Variants in PRDM1 observed in about 807,000 individuals in gnomAD.
The protein encoded by PRDM1 is PR/SET domain 1.
Under a neutral mutation model 62.8 loss-of-function variants are expected in PRDM1, and 13 were observed. That is an observed-to-expected ratio of 0.21 (90% CI 0.13 to 0.33). The LOEUF is 0.33. Ranked by LOEUF, PRDM1 falls within the 10% of genes least tolerant of loss-of-function variation. The pLI is 1.00. For missense variants in PRDM1, 895 were observed against 1,058.8 expected (o/e 0.85, Z 2.15); for synonymous variants, 396 against 417.6 (o/e 0.95, Z 0.63).
chr6:106,080,454 T>C (rs966977733), intron 1 of PRDM1, among the ~76,000 whole-genome samples: 2 of 151,682 alleles, frequency 1.3e-5, no homozygotes, highest in African/African-American at 2.4e-5. Context: ...CCTCAATCTA[T>C]GAGGAAGAAA....
chr6:106,083,747 G>A (rs569467523), upstream of PRDM1, among the ~76,000 whole-genome samples: 8 of 152,272 alleles, frequency 5.3e-5, 1 homozygote, highest in East Asian at 1.2e-3. Flanking sequence ...GGTTCTTTTC[G>A]GTGTTCTAAC....
chr6:106,073,259 C>T (rs998983134), intron 1 of PRDM1, among the ~76,000 whole-genome samples: 2 of 151,940 alleles, frequency 1.3e-5, no homozygotes, highest in African/African-American at 4.8e-5. Context: ...GGATTACAGG[C>T]GCCCACTCTC....
At chr6:106,059,931 T>C (rs560941727) in intron 1 of PRDM1, among the ~76,000 whole-genome samples, 5 of 152,272 alleles carry the variant, frequency 3.3e-5, no homozygotes, top group African/African-American at 1.2e-4. Context: ...TTGGAAGATA[T>C]GGAGAAGAGT....
At chr6:106,067,708 G>C (rs1562158192) in intron 1 of PRDM1, among the ~76,000 whole-genome samples, 1 of 152,150 alleles carries the variant, frequency 6.6e-6, no homozygotes, top group Non-Finnish European at 1.5e-5. Context: ...GGTTACCAGG[G>C]GCCGGGGAAA....
At chr6:106,060,103 A>G (rs1177421117) in intron 1 of PRDM1, among the ~76,000 whole-genome samples, 2 of 152,212 alleles carry the variant, frequency 1.3e-5, no homozygotes, top group Non-Finnish European at 2.9e-5. Context: ...CATGTAGTTA[A>G]TGTATTCAAT....
intron 4 of PRDM1, among the ~76,000 whole-genome samples, chr6:106,102,288 T>G (rs1219668708): frequency 1.3e-5 from 2 of 152,234 alleles, no homozygotes; most frequent in Non-Finnish European, 2.9e-5. Context: ...AAGCTGTTGC[T>G]GAGTGGGAGA....
At chr6:105,998,912 TATATATATATATATATA>T (rs1772387965) in intron 1 of PRDM1, among the ~76,000 whole-genome samples, 1 of 6,202 alleles carries the variant, frequency 1.6e-4, no homozygotes, top group Non-Finnish European at 3.1e-4. Context: ...TATATATATA[TATATATATATATATATA>T]TATATTTTTT....
intron 2 of PRDM1, among the ~76,000 whole-genome samples, chr6:106,089,627 T>C (rs1773907486): frequency 6.6e-6 from 1 of 152,176 alleles, no homozygotes; most frequent in African/African-American, 2.4e-5. Context: ...AGGCAGATTT[T>C]ATAAAAAATA....
At chr6:106,054,486 A>G (rs1226603043) in intron 1 of PRDM1, among the ~76,000 whole-genome samples, 1 of 152,134 alleles carries the variant, frequency 6.6e-6, no homozygotes, top group East Asian at 1.9e-4. Context: ...ATTTTCTTTT[A>G]AGAATATGTC....
intron 2 of PRDM1, 107 bp from the exon 3 acceptor site, chr6:106,095,508 A>C: frequency 7.8e-7 from 1 of 1,285,982 alleles, no homozygotes; most frequent in East Asian, 2.5e-5. Flanking sequence ...TCAAAATTTT[A>C]TCATTGTTAG....
chr6:106,023,390 C>T (rs1236577528), intron 1 of PRDM1, among the ~76,000 whole-genome samples: 4 of 151,946 alleles, frequency 2.6e-5, no homozygotes, highest in South Asian at 2.1e-4. Context: ...AGGAGAATGG[C>T]GTGAACCCAG....
chr6:106,038,895 G>C (rs1772956089), intron 1 of PRDM1, among the ~76,000 whole-genome samples: 2 of 152,148 alleles, frequency 1.3e-5, no homozygotes, highest in Non-Finnish European at 2.9e-5. Flanking sequence ...TGTGTTTGTT[G>C]TCTAGCTGAG....
At chr6:105,995,435 G>A (rs80331398) in intron 1 of PRDM1, among the ~76,000 whole-genome samples, 2,045 of 152,270 alleles carry the variant, frequency 0.013, 47 homozygotes, top group African/African-American at 0.046. Flanking sequence ...GCGGAAGGGA[G>A]GAAACAAAAG....
At chr6:106,069,213 G>A (rs910054590) in intron 1 of PRDM1, among the ~76,000 whole-genome samples, 1 of 152,068 alleles carries the variant, frequency 6.6e-6, no homozygotes, top group African/African-American at 2.4e-5. Flanking sequence ...ATACAGTTGA[G>A]AACAAATTTT....
intron 1 of PRDM1, among the ~76,000 whole-genome samples, chr6:106,037,996 A>G (rs1374656385): frequency 1.8e-5 from 1 of 56,580 alleles, no homozygotes; most frequent in African/African-American, 6.3e-5. Context: ...TCCCTTTCCT[A>G]TGGTTTGCTA....
chr6:106,106,376 C>T lies in PRDM1; in HGVS notation c.1779C>T (p.His593=). 6.2e-7 allele frequency: 1 copy of T among 1,614,154 alleles called. No individual in the cohort carries two copies. The highest frequency in any genetic ancestry group is 8.5e-7 in the Non-Finnish European group (1 of 1,180,030). ...TFGQLSNLKV[H]LRVHSGERPF... ...CACATGTGGCTTCTTCCCAGGTCCA[C>T]CTGAGAGTGCACAGTGGAGAACGGC... Residue 593 remains histidine (H), a synonymous_variant, in exon 6 of 7, where the codon CAC becomes CAT. Transcript: ENST00000369096. The surrounding 1 kb of genome is among the most constrained non-coding windows in gnomAD (Gnocchi z 4.4).
chr6:106,009,792 A>T (rs1378941493), intron 1 of PRDM1, among the ~76,000 whole-genome samples: 1 of 152,090 alleles, frequency 6.6e-6, no homozygotes, highest in Non-Finnish European at 1.5e-5. Flanking sequence ...ATCTCAGCTC[A>T]CTGCAACCTC....
At chr6:106,104,105 A>G (rs1306522104) in intron 4 of PRDM1, among the ~76,000 whole-genome samples, 1 of 152,148 alleles carries the variant, frequency 6.6e-6, no homozygotes, top group African/African-American at 2.4e-5. Flanking sequence ...TTCTCAGGGT[A>G]TGCTGATTTC....
At chr6:106,101,987 A>C (rs561363920) in intron 4 of PRDM1, among the ~76,000 whole-genome samples, 4 of 152,186 alleles carry the variant, frequency 2.6e-5, no homozygotes, top group African/African-American at 9.7e-5. Flanking sequence ...TTTTTTTTCT[A>C]TCTATCTAAC....
Sources: allele counts gnomAD v4.1 joint callset (sites outside exome capture counted in the v4.1 genomes callset), GRCh38; gene constraint gnomAD v4.1.1; non-coding constraint Gnocchi (gnomAD v3.1); transcripts MANE v1.5; gene names NCBI Gene and HGNC (gene_info 2026-07-23, HGNC 2026-07-21).